EXTL1: variants seen among roughly 807,000 people sequenced by gnomAD.
EXTL1 encodes the protein exostosin like glycosyltransferase 1.
A neutral mutation model predicts 64.6 loss-of-function variants in EXTL1; 43 were observed. The ratio of observed to expected loss-of-function variants is 0.67; its 90% confidence interval spans 0.52 to 0.86. EXTL1 has a LOEUF of 0.86. Ranked by LOEUF, EXTL1 falls within the 40% of genes least tolerant of loss-of-function variation. The pLI, the probability that EXTL1 is intolerant of heterozygous loss-of-function variation, is 0.00. For synonymous variants in EXTL1, 352 were observed against 360.5 expected (o/e 0.98, Z 0.27); for missense variants, 766 against 879.0 (o/e 0.87, Z 1.62).
intron 1 of EXTL1, among the ~76,000 whole-genome samples, chr1:26,026,545 C>T (rs904191187): frequency 3.9e-4 from 60 of 152,244 alleles, no homozygotes; most frequent in African/African-American, 1.3e-3. Flanking sequence ...CTGCCTGCCT[C>T]GGCCTCCCAA....
At chr1:26,030,396 G>A (rs532519142) in intron 3 of EXTL1, 80 bp from the exon 4 acceptor site, 149 of 1,211,234 alleles carry the variant, frequency 1.2e-4, no homozygotes, top group Middle Eastern at 1.2e-3. Flanking sequence ...GCAGTGGCAC[G>A]AATATGGCTC....
At chr1:26,029,419 T>C in intron 2 of EXTL1, 133 bp downstream of exon 2, 2 of 780,000 alleles carry the variant, frequency 2.6e-6, no homozygotes, top group South Asian at 1.5e-5. Flanking sequence ...CAGGCATGCC[T>C]GTGTCCCCAT....
In EXTL1 at chr1:26,035,585, C is replaced by T. The variant is rs930992277; in HGVS notation, c.*238C>T. On this transcript the variant is annotated 3_prime_UTR_variant, in exon 11 of 11. Coordinates refer to ENST00000374280, the MANE Select transcript of EXTL1 (RefSeq NM_004455.3). The surrounding 1 kb of genome is among the most constrained non-coding windows in gnomAD (Gnocchi z 5.3). Reference sequence around the variant, plus strand: ...GCCCCGCGACCGGAGCGCCGCTCTCCGCTTCTCCACCCAGCTAACTTCTGC... The same window carrying T: ...GCCCCGCGACCGGAGCGCCGCTCTCTGCTTCTCCACCCAGCTAACTTCTGC... The T allele has an allele frequency of 1.3e-5, 6 of 444,996 alleles. No individual in the cohort carries two copies. The highest frequency in any genetic ancestry group is 1.1e-4 in the Admixed American group (3 of 27,214). The allele number at this position is 444,996 out of a possible 1,614,324, so 27.6% of individuals were successfully genotyped here.
intron 1 of EXTL1, among the ~76,000 whole-genome samples, chr1:26,026,277 C>T (rs2050214861): frequency 1.4e-5 from 2 of 141,122 alleles, no homozygotes; most frequent in Non-Finnish European, 3.0e-5. Context: ...TAAAAATGAA[C>T]TTTCAGGTAG....
intron 4 of EXTL1, 74 bp downstream of exon 4, chr1:26,030,669 T>G: frequency 1.2e-5 from 18 of 1,479,756 alleles, no homozygotes; most frequent in Non-Finnish European, 1.6e-5. Flanking sequence ...CATACTTCTC[T>G]GCCACAGTGT....
chr1:26,033,139 G>T lies in EXTL1; in HGVS notation c.1432-90G>T. 2.2e-6 allele frequency: 2 copies of T among 914,874 alleles called. No homozygotes were observed. Among genetic ancestry groups the T allele is most frequent in the Admixed American group, 1.8e-5 (1 of 56,376 alleles). 56.7% of individuals were successfully genotyped at this position (914,874 alleles called of 1,614,324 possible). On this transcript the variant is annotated intron_variant, in intron 7 of 10. Coordinates refer to ENST00000374280, the MANE Select transcript of EXTL1 (RefSeq NM_004455.3). The surrounding 1 kb of genome is among the most constrained non-coding windows in gnomAD (Gnocchi z 5.1). ...GGGAGGCTTTATTCATGGCTCAGGC[G>T]TCTACACTGTGCCTGAATGGCTCCT...
Position 26,035,358 on chromosome 1 carries a change from C to G in EXTL1, c.*11C>G. On this transcript the variant is annotated 3_prime_UTR_variant, in exon 11 of 11. Coordinates refer to ENST00000374280, the MANE Select transcript of EXTL1 (RefSeq NM_004455.3). This position sits in a 1 kb window ranked among gnomAD's most constrained non-coding sequence, Gnocchi z 5.3. ...CTGGAGAAGCCCTAGGGGGGCGACCCGCGGAGACCCCAGCAGAGGTCGCAG... is the reference window on the plus strand; with the variant it reads ...CTGGAGAAGCCCTAGGGGGGCGACCGGCGGAGACCCCAGCAGAGGTCGCAG... 6.3e-7 allele frequency: 1 copy of G among 1,594,268 alleles called. No individual in the cohort carries two copies. Among genetic ancestry groups the G allele is most frequent in the Non-Finnish European group, 8.6e-7 (1 of 1,166,816 alleles).
Position 26,028,351 on chromosome 1 carries a change from C to G in EXTL1, c.780-842C>G, listed in dbSNP as rs1291558586. Among the ~76,000 whole-genome samples, 3 of 152,362 alleles carry G rather than the reference C, an allele frequency of 2.0e-5. No individual in the cohort carries two copies. The South Asian group carries it at 6.2e-4, about 32-fold the overall frequency. On this transcript the variant is annotated intron_variant, in intron 1 of 10. Transcript: ENST00000374280. ...ATGGCCCCGAGGCTGCCTAAGTACT[C>G]CCAGGTCTGCTTCTTGGAGGTTCAG...
At chr1:26,028,120 G>A (rs961066074) in intron 1 of EXTL1, among the ~76,000 whole-genome samples, 3 of 152,292 alleles carry the variant, frequency 2.0e-5, no homozygotes, top group African/African-American at 7.2e-5. Context: ...AGGGCCTGGT[G>A]GACACTTAAG....
chr1:26,022,655 G>T lies in EXTL1; in HGVS notation c.9G>T (p.Ser3=). 1 of 1,595,056 alleles carries T rather than the reference G, an allele frequency of 6.3e-7. No homozygotes were observed. The highest frequency in any genetic ancestry group is 1.3e-5 in the African/African-American group (1 of 74,626). The part of the protein sequence containing the change: MQ[S]WRRRKSLWLA... ...TGACTGTGGGTGGCCACATGCAGTC[G>T]TGGAGGAGAAGAAAGTCCCTGTGGC... Residue 3 remains serine, a synonymous_variant, in exon 1 of 11, where the codon TCG becomes TCT. Coordinates refer to ENST00000374280, the MANE Select transcript of EXTL1 (RefSeq NM_004455.3).
At chr1:26,030,350 T>TTTG in intron 3 of EXTL1, 126 bp from the exon 4 acceptor site, 2 of 557,058 alleles carry the variant, frequency 3.6e-6, no homozygotes, top group South Asian at 5.2e-5. Flanking sequence ...TTTTTTTTTT[T>TTTG]GAGATAGGAT....
rs561073168 is a variant in EXTL1 at position 26,022,344 on chromosome 1, G to T, written c.-303G>T. On this transcript the variant is annotated 5_prime_UTR_variant, in exon 1 of 11. Coordinates refer to ENST00000374280, the MANE Select transcript of EXTL1 (RefSeq NM_004455.3). ...GCCAGAGCAGTGCCCAGGGGCAGGG[G>T]TCCCTGCTGGGAGGGAAAAGGCTGG... is the stretch of plus-strand genomic sequence containing the variant. 8 of 353,464 alleles carry T rather than the reference G, an allele frequency of 2.3e-5. No homozygotes were observed. Among genetic ancestry groups the T allele is most frequent in the Admixed American group, 1.3e-4 (3 of 22,248 alleles). 21.9% of individuals were successfully genotyped at this position (353,464 alleles called of 1,614,324 possible).
At position 26,030,568 on chromosome 1, in the gene EXTL1, G is replaced by C. The variant is rs2050271677; in HGVS notation, c.1074G>C (p.Val358=). 1 of 1,613,312 alleles carries C rather than the reference G, an allele frequency of 6.2e-7. No homozygotes were observed. Among genetic ancestry groups the C allele is most frequent in the Non-Finnish European group, 8.5e-7 (1 of 1,179,698 alleles). Residue 358 remains valine, a synonymous_variant, in exon 4 of 11, where the codon GTG becomes GTC. Coordinates refer to ENST00000374280, the MANE Select transcript of EXTL1 (RefSeq NM_004455.3). ...TATGGGATGCCTACTTCTCCTCAGTGGAGAAGGTCATCCATACCACTCTGG... is the reference window on the plus strand; with the variant it reads ...TATGGGATGCCTACTTCTCCTCAGTCGAGAAGGTCATCCATACCACTCTGG... ...QFLWDAYFSS[V]EKVIHTTLEV...
chr1:26,035,354 G>A lies in EXTL1; in HGVS notation c.*7G>A, dbSNP rs1338551608. 3 of 1,593,774 alleles carry A rather than the reference G, an allele frequency of 1.9e-6. No homozygotes were observed. Among genetic ancestry groups the A allele is most frequent in the Non-Finnish European group, 2.6e-6 (3 of 1,166,488 alleles). On this transcript the variant is annotated 3_prime_UTR_variant, in exon 11 of 11. Transcript: ENST00000374280. This position sits in a 1 kb window ranked among gnomAD's most constrained non-coding sequence, Gnocchi z 5.3. ...CAGCCTGGAGAAGCCCTAGGGGGGCGACCCGCGGAGACCCCAGCAGAGGTC... is the reference window on the plus strand; with the variant it reads ...CAGCCTGGAGAAGCCCTAGGGGGGCAACCCGCGGAGACCCCAGCAGAGGTC...
chr1:26,030,713 C>G lies in EXTL1; in HGVS notation c.1101+118C>G, dbSNP rs186083598. Reference sequence around the variant, plus strand: ...CCCCCCCCCCTTCCTTGAAGATGGTCCTGGGATGAATCTGAGACTTGGCTG... The same window carrying G: ...CCCCCCCCCCTTCCTTGAAGATGGTGCTGGGATGAATCTGAGACTTGGCTG... On this transcript the variant is annotated intron_variant, in intron 4 of 10. Coordinates refer to ENST00000374280, the MANE Select transcript of EXTL1 (RefSeq NM_004455.3). The G allele has an allele frequency of 8.6e-6, 10 of 1,161,252 alleles. No homozygotes were observed. The Admixed American group carries it at 2.7e-4, about 31-fold the overall frequency. 71.9% of individuals were successfully genotyped at this position (1,161,252 alleles called of 1,614,324 possible). A position where few individuals can be genotyped will look rare whatever the true frequency, so the allele number is the denominator to read the frequency against.
chr1:26,032,245 G>A, intron 6 of EXTL1, 151 bp from the exon 7 acceptor site: 1 of 534,220 alleles, frequency 1.9e-6, no homozygotes. Flanking sequence ...AGCGGTGAAA[G>A]GACCATGGAT....
At position 26,031,485 on chromosome 1, in the gene EXTL1, C is replaced by A. The variant is rs772462842; in HGVS notation, c.1260C>A (p.Ser420Arg). Reference sequence around the variant, plus strand: ...GCTCCCGCCCTGAGGGCAGATTCAGCGCCCTGATCTGGGTGGGGCCCCCAG... The same window carrying A: ...GCTCCCGCCCTGAGGGCAGATTCAGAGCCCTGATCTGGGTGGGGCCCCCAG... ...QQGSRPEGRFSALIWVGPPGQ... is the reference protein window; with the variant it reads ...QQGSRPEGRFRALIWVGPPGQ... Residue 420 changes from serine to arginine, a missense_variant, in exon 6 of 11, where the codon AGC (serine) becomes AGA (arginine). Ser to Arg is a moderately radical substitution (Grantham distance 110). This residue lies in a region of EXTL1 where 571 missense variants were observed against 647.6 expected (regional missense o/e 0.88). Transcript: ENST00000374280. 4.4e-6 allele frequency: 7 copies of A among 1,592,148 alleles called. No individual in the cohort carries two copies. Among genetic ancestry groups the A allele is most frequent in the Non-Finnish European group, 5.1e-6 (6 of 1,168,818 alleles).
At chr1:26,024,183 T>C (rs1451488627) in intron 1 of EXTL1, among the ~76,000 whole-genome samples, 3 of 152,132 alleles carry the variant, frequency 2.0e-5, no homozygotes, top group Admixed American at 2.0e-4. Flanking sequence ...CTGGGCTAGT[T>C]GGGGGTGATG....
At chr1:26,024,315 C>T (rs1004104412) in intron 1 of EXTL1, among the ~76,000 whole-genome samples, 6 of 152,112 alleles carry the variant, frequency 3.9e-5, no homozygotes, top group East Asian at 1.9e-4. Context: ...TCCAGGGCCC[C>T]GGTGGCAGAG....
Sources: allele counts gnomAD v4.1 joint callset (sites outside exome capture counted in the v4.1 genomes callset), GRCh38; gene constraint gnomAD v4.1.1; regional missense constraint gnomAD v4.1.1; non-coding constraint Gnocchi (gnomAD v3.1); transcripts MANE v1.5; gene names NCBI Gene and HGNC (gene_info 2026-07-23, HGNC 2026-07-21).